Variants in NR2F1-AS1 observed in about 807,000 individuals in gnomAD.
NR2F1-AS1 encodes NR2F1 regulatory antisense RNA 1.
At chr5:93,422,496 C>A (rs761844108) in intron 4 of NR2F1-AS1, 3 of 152,282 alleles carry the variant, frequency 2.0e-5, no homozygotes, top group South Asian at 4.1e-4. Context: ...GTTTTACTTA[C>A]AATACATTCA....
At chr5:93,473,820 A>T (rs1277300898) in intron 4 of NR2F1-AS1, among the ~76,000 whole-genome samples, 2 of 151,884 alleles carry the variant, frequency 1.3e-5, no homozygotes, top group Admixed American at 6.6e-5. Flanking sequence ...TTCAAATTTA[A>T]ATAGTGGCAC....
chr5:93,481,121 A>G (rs1750591045), intron 4 of NR2F1-AS1, among the ~76,000 whole-genome samples: 1 of 152,106 alleles, frequency 6.6e-6, no homozygotes, highest in Non-Finnish European at 1.5e-5. Flanking sequence ...TGCTTAAAAG[A>G]GACCAATTTT....
intron 1 of NR2F1-AS1, among the ~76,000 whole-genome samples, chr5:93,571,915 G>A (rs1002752821): frequency 6.6e-6 from 1 of 151,966 alleles, no homozygotes; most frequent in African/African-American, 2.4e-5. Flanking sequence ...TACCTGCGAC[G>A]AGTAAAAACA....
At chr5:93,520,510 G>T (rs1751480164) in intron 4 of NR2F1-AS1, among the ~76,000 whole-genome samples, 1 of 152,060 alleles carries the variant, frequency 6.6e-6, no homozygotes, top group Non-Finnish European at 1.5e-5. Flanking sequence ...ACAAGAGGAA[G>T]TATACAGGTT....
At chr5:93,417,369 C>T (rs1748989292) in intron 4 of NR2F1-AS1, among the ~76,000 whole-genome samples, 1 of 152,126 alleles carries the variant, frequency 6.6e-6, no homozygotes, top group Non-Finnish European at 1.5e-5. Context: ...AAAAGCCACA[C>T]AAAGGTGAAG....
intron 2 of NR2F1-AS1, among the ~76,000 whole-genome samples, chr5:93,561,512 C>T (rs756604170): frequency 3.3e-5 from 5 of 151,998 alleles, no homozygotes; most frequent in Admixed American, 6.5e-5. Flanking sequence ...GTGGCTCACA[C>T]CTGTAATCCC....
chr5:93,581,500 C>A (rs1481197966), upstream of NR2F1-AS1, among the ~76,000 whole-genome samples: 1 of 152,114 alleles, frequency 6.6e-6, no homozygotes, highest in Non-Finnish European at 1.5e-5. Context: ...AGGCTGCCTG[C>A]GGGGAGGGGA....
intron 4 of NR2F1-AS1, among the ~76,000 whole-genome samples, chr5:93,454,368 T>G (rs1749901750): frequency 6.6e-6 from 1 of 152,198 alleles, no homozygotes; most frequent in South Asian, 2.1e-4. Context: ...TTGTAAGCTT[T>G]TGTGATTTAA....
chr5:93,486,185 G>A (rs1750712677), intron 4 of NR2F1-AS1, among the ~76,000 whole-genome samples: 1 of 147,210 alleles, frequency 6.8e-6, no homozygotes, highest in Non-Finnish European at 1.5e-5. Context: ...AGTGGGTGCA[G>A]CGCACCAGCA....
intron 2 of NR2F1-AS1, among the ~76,000 whole-genome samples, chr5:93,561,907 T>A (rs1752496896): frequency 6.6e-6 from 1 of 152,200 alleles, no homozygotes; most frequent in South Asian, 2.1e-4. Flanking sequence ...ATGAATGTGC[T>A]TTTTGCTCAA....
intron 4 of NR2F1-AS1, among the ~76,000 whole-genome samples, chr5:93,419,708 A>G (rs182133460): frequency 3.3e-5 from 5 of 152,346 alleles, no homozygotes; most frequent in African/African-American, 9.6e-5. Context: ...TCTTAAACAT[A>G]TATGTGTTGA....
chr5:93,465,930 G>A (rs1580249632), intron 4 of NR2F1-AS1, among the ~76,000 whole-genome samples: 1 of 150,862 alleles, frequency 6.6e-6, no homozygotes, highest in East Asian at 2.0e-4. Context: ...GTTGTGGGGT[G>A]GGGGGTTGGG....
At chr5:93,500,296 T>A (rs1241134942) in intron 4 of NR2F1-AS1, among the ~76,000 whole-genome samples, 2 of 152,198 alleles carry the variant, frequency 1.3e-5, no homozygotes, top group Admixed American at 6.5e-5. Flanking sequence ...TGACTTTAGG[T>A]TGGAGCCAAT....
intron 4 of NR2F1-AS1, among the ~76,000 whole-genome samples, chr5:93,490,552 G>T (rs1750814967): frequency 6.6e-6 from 1 of 150,898 alleles, no homozygotes; most frequent in South Asian, 2.1e-4. Flanking sequence ...TGGTGGTGGT[G>T]GTCATGGTGG....
At chr5:93,451,639 G>C (rs1347417564) in intron 4 of NR2F1-AS1, among the ~76,000 whole-genome samples, 6 of 152,104 alleles carry the variant, frequency 3.9e-5, no homozygotes, top group Non-Finnish European at 8.8e-5. Context: ...CTGAGGTCAA[G>C]TGATCTGTCC....
At chr5:93,473,676 T>C (rs1750420442) in intron 4 of NR2F1-AS1, among the ~76,000 whole-genome samples, 1 of 151,146 alleles carries the variant, frequency 6.6e-6, no homozygotes, top group African/African-American at 2.4e-5. Context: ...AGTATATTCC[T>C]AAAGACCAAA....
At chr5:93,437,547 G>A (rs564328346) in intron 4 of NR2F1-AS1, among the ~76,000 whole-genome samples, 1 of 152,252 alleles carries the variant, frequency 6.6e-6, no homozygotes, top group East Asian at 1.9e-4. Context: ...TATAAGGCCA[G>A]TTCCATAGTG....
chr5:93,584,837 G>A (rs866080178), upstream of NR2F1-AS1: 4,269 of 157,960 alleles, frequency 0.027, 101 homozygotes, highest in Middle Eastern at 0.044. Flanking sequence ...GGCAGCGGCG[G>A]CGGCGGCGGA....
intron 4 of NR2F1-AS1, among the ~76,000 whole-genome samples, chr5:93,443,648 T>TA (rs1749624560): frequency 6.6e-6 from 1 of 152,158 alleles, no homozygotes; most frequent in Admixed American, 6.5e-5. Context: ...CCAGGAGAAC[T>TA]TCCCCAATCT....
Sources: allele counts gnomAD v4.1 joint callset (sites outside exome capture counted in the v4.1 genomes callset), GRCh38; gene constraint gnomAD v4.1.1; transcripts MANE v1.5; gene names NCBI Gene and HGNC (gene_info 2026-07-23, HGNC 2026-07-21).